Variants in SPTBN1 observed in about 807,000 individuals in gnomAD.
SPTBN1 encodes the protein spectrin beta, non-erythrocytic 1.
In SPTBN1, 32 loss-of-function variants were observed where a neutral mutation model predicts 266.4. The observed-to-expected ratio is 0.12, with a 90% CI of 0.09 to 0.16. The LOEUF (loss-of-function observed/expected upper bound fraction) is 0.16, where lower values mean the gene tolerates loss of function less well. Ranked by LOEUF, SPTBN1 falls within the 10% of genes least tolerant of loss-of-function variation. SPTBN1 has a pLI of 1.00. For missense variants in SPTBN1, 2,296 were observed against 3,067.1 expected (o/e 0.75, Z 5.94); for synonymous variants, 1,336 against 1,162.2 (o/e 1.15, Z -3.04).
chr2:54,618,010 C>A, intron 6 of SPTBN1, 68 bp from the exon 7 acceptor site: 1 of 1,255,492 alleles, frequency 8.0e-7, no homozygotes, highest in South Asian at 1.3e-5. Flanking sequence ...GAGTAACAGT[C>A]ATGTTTCATT....
At position 54,668,025 on chromosome 2, in the gene SPTBN1, GA is replaced by G. The variant is rs1179031512; in HGVS notation, c.6877-321del. On this transcript the variant is annotated intron_variant, in intron 35 of 35. Coordinates refer to ENST00000356805, the MANE Select transcript of SPTBN1 (RefSeq NM_003128.3). Reference sequence around the variant, plus strand: ...CAAGGAAAGAGAGAGTCCATTGATGGAAAAACAACACCTGTAATGCTTTAAA... The same window carrying G: ...CAAGGAAAGAGAGAGTCCATTGATGGAAAACAACACCTGTAATGCTTTAAA... Among the ~76,000 whole-genome samples, 3 of 152,276 alleles carry G rather than the reference GA, an allele frequency of 2.0e-5. No homozygotes were observed. The South Asian group carries it at 6.2e-4, about 32-fold the overall frequency.
chr2:54,534,244 AG>A lies in SPTBN1; in HGVS notation c.148+7681del, dbSNP rs1671463408. Reference sequence around the variant, plus strand: ...TCAGAGGTGACACTTTCCTGCCCCAAGGGAAAGAGAACAGCTTCTTGCATGG... The same window carrying A: ...TCAGAGGTGACACTTTCCTGCCCCAAGGAAAGAGAACAGCTTCTTGCATGG... On this transcript the variant is annotated intron_variant, in intron 2 of 35. Coordinates refer to ENST00000356805, the MANE Select transcript of SPTBN1 (RefSeq NM_003128.3). Among the ~76,000 whole-genome samples, 3 of 152,334 alleles carry A rather than the reference AG, an allele frequency of 2.0e-5. No homozygotes were observed. In the South Asian group the frequency reaches 6.2e-4, roughly 32 times the overall value.
rs1679253742 is a variant in SPTBN1, at chr2:54,637,823, C to T, written c.3858+20C>T. 8 of 1,595,158 alleles carry T rather than the reference C, an allele frequency of 5.0e-6. No individual in the cohort carries two copies. The highest frequency in any genetic ancestry group is 6.9e-6 in the Non-Finnish European group (8 of 1,165,168). On this transcript the variant is annotated intron_variant, in intron 18 of 35. Coordinates refer to ENST00000356805, the MANE Select transcript of SPTBN1 (RefSeq NM_003128.3). ...CAAGAGGTATGTTACTCTTTAATCC[C>T]TCTATTCCTGTGTTCCAGTAATAGC...
At chr2:54,636,706 G>A (rs1572725213) in intron 17 of SPTBN1, among the ~76,000 whole-genome samples, 1 of 152,344 alleles carries the variant, frequency 6.6e-6, no homozygotes, top group African/African-American at 2.4e-5. Flanking sequence ...GCAGGCACAG[G>A]CAGAGAGAAA....
intron 7 of SPTBN1, among the ~76,000 whole-genome samples, chr2:54,620,394 G>A (rs1275079669): frequency 6.6e-6 from 1 of 152,196 alleles, no homozygotes; most frequent in Non-Finnish European, 1.5e-5. Context: ...AAAGTTATGG[G>A]GTCATGAAGG....
At chr2:54,477,232 C>T (rs1667878412) in intron 1 of SPTBN1, among the ~76,000 whole-genome samples, 1 of 152,142 alleles carries the variant, frequency 6.6e-6, no homozygotes, top group African/African-American at 2.4e-5. Context: ...GCGTATGTAA[C>T]AAATCTTAGT....
At chr2:54,495,459 T>A (rs926292127) in intron 1 of SPTBN1, among the ~76,000 whole-genome samples, 1 of 152,210 alleles carries the variant, frequency 6.6e-6, no homozygotes, top group African/African-American at 2.4e-5. Flanking sequence ...AACTGCAGAC[T>A]ACATTGGAAT....
At chr2:54,510,622 T>C (rs1034003827) in intron 1 of SPTBN1, among the ~76,000 whole-genome samples, 1 of 152,268 alleles carries the variant, frequency 6.6e-6, no homozygotes, top group African/African-American at 2.4e-5. Context: ...AAAAACAAAG[T>C]GCATATTATG....
chr2:54,633,500 C>T (rs982917957), intron 17 of SPTBN1, among the ~76,000 whole-genome samples: 1 of 152,146 alleles, frequency 6.6e-6, no homozygotes, highest in Non-Finnish European at 1.5e-5. Flanking sequence ...TTGACCCTAA[C>T]TCTTTGACTC....
At chr2:54,648,361 G>T (rs1299448445) in intron 24 of SPTBN1, among the ~76,000 whole-genome samples, 1 of 152,152 alleles carries the variant, frequency 6.6e-6, no homozygotes, top group Non-Finnish European at 1.5e-5. Context: ...ATCACTCTGG[G>T]GAGAAGTTGG....
At chr2:54,468,036 C>T (rs1320556048) in intron 1 of SPTBN1, among the ~76,000 whole-genome samples, 1 of 152,016 alleles carries the variant, frequency 6.6e-6, no homozygotes, top group Non-Finnish European at 1.5e-5. Context: ...CGGCCAGGTG[C>T]GGTGGCTCAC....
intron 2 of SPTBN1, among the ~76,000 whole-genome samples, chr2:54,584,418 T>C (rs1166803587): frequency 6.6e-6 from 1 of 152,252 alleles, no homozygotes; most frequent in African/African-American, 2.4e-5. Context: ...TCTATAGATG[T>C]GATTAGTAGA....
intron 1 of SPTBN1, among the ~76,000 whole-genome samples, chr2:54,460,386 C>T (rs4671934): frequency 1.3e-5 from 2 of 151,852 alleles, no homozygotes; most frequent in Admixed American, 1.3e-4. Context: ...TTCTTTAATT[C>T]TTGGTGGAAG....
chr2:54,558,653 C>A lies in SPTBN1; in HGVS notation c.148+32087C>A, dbSNP rs1673049321. 6.7e-7 allele frequency: 1 copy of A among 1,493,190 alleles called. No homozygotes were observed. The highest frequency in any genetic ancestry group is 8.9e-7 in the Non-Finnish European group (1 of 1,120,278). The allele number at this position is 1,493,190 out of a possible 1,614,324, so 92.5% of individuals were successfully genotyped here. On this transcript the variant is annotated intron_variant, in intron 2 of 35. Transcript: ENST00000356805. The surrounding 1 kb of genome is among the most constrained non-coding windows in gnomAD (Gnocchi z 4.6). The stretch of plus-strand genomic sequence containing the variant: ...CCATCAGATCACCCTGCTGGACTTG[C>A]AGACCGGAATGGGGCTCGCCTAAGG...
intron 1 of SPTBN1, among the ~76,000 whole-genome samples, chr2:54,481,157 T>C (rs1359151208): frequency 2.0e-5 from 3 of 151,700 alleles, no homozygotes; most frequent in Non-Finnish European, 4.4e-5. Flanking sequence ...ATAATGATGA[T>C]GATGATAATA....
At chr2:54,612,503 AG>A (rs1432226749) in intron 4 of SPTBN1, among the ~76,000 whole-genome samples, 169 bp downstream of exon 4, 3 of 152,190 alleles carry the variant, frequency 2.0e-5, no homozygotes, top group Non-Finnish European at 4.4e-5. Flanking sequence ...GCTGCCTCGT[AG>A]GCACGTGGAA....
At chr2:54,603,818 C>A (rs1351517685) in intron 3 of SPTBN1, among the ~76,000 whole-genome samples, 1 of 152,136 alleles carries the variant, frequency 6.6e-6, no homozygotes, top group Non-Finnish European at 1.5e-5. Flanking sequence ...TAGCAAAAAT[C>A]TATGTTTAAT....
chr2:54,513,228 G>A (rs1669946830), intron 1 of SPTBN1, among the ~76,000 whole-genome samples: 1 of 152,210 alleles, frequency 6.6e-6, no homozygotes, highest in African/African-American at 2.4e-5. Context: ...CAAAGAGGAT[G>A]CTGGCCCTTG....
At chr2:54,650,122 C>T (rs1293759408) in intron 26 of SPTBN1, 133 bp downstream of exon 26, 9 of 1,172,512 alleles carry the variant, frequency 7.7e-6, no homozygotes, top group Non-Finnish European at 9.4e-6. Flanking sequence ...CATGTACCCA[C>T]TTTGTAATAG....
Sources: allele counts gnomAD v4.1 joint callset (sites outside exome capture counted in the v4.1 genomes callset), GRCh38; gene constraint gnomAD v4.1.1; non-coding constraint Gnocchi (gnomAD v3.1); transcripts MANE v1.5; gene names NCBI Gene and HGNC (gene_info 2026-07-23, HGNC 2026-07-21).